The following ANKS1B variants were observed in gnomAD, a reference collection of about 807,000 sequenced individuals.
The protein encoded by ANKS1B is ankyrin repeat and sterile alpha motif domain-containing protein 1B.
Under a neutral mutation model 148.3 loss-of-function variants are expected in ANKS1B, and 36 were observed. That is an observed-to-expected ratio of 0.24 (90% confidence interval 0.19 to 0.32). The LOEUF is 0.32. Among genes scored for constraint, ANKS1B ranks in the 10% least tolerant of loss-of-function variants. The pLI is 1.00. For synonymous variants in ANKS1B, 542 were observed against 560.8 expected, an observed-to-expected ratio of 0.97 and a Z score of 0.47; for missense variants, 1,157 against 1,542.6, an observed-to-expected ratio of 0.75 and a Z score of 4.19.
In ANKS1B at chr12:98,970,254, T is replaced by C. The variant is rs932438786; in HGVS notation, c.2778+82903A>G. The stretch of plus-strand genomic sequence containing the variant: ...TGTTTCATTTGTTATATTTTCATGT[T>C]TTTTATCCTGGTCCTTATTTTCCTC... On this transcript the variant is annotated intron_variant, in intron 17 of 26. Coordinates refer to ENST00000683438, the MANE Select transcript of ANKS1B (RefSeq NM_001352186.2). Among the ~76,000 whole-genome samples, 29 of 152,352 alleles carry C rather than the reference T, an allele frequency of 1.9e-4. No individual in the cohort carries two copies. In the East Asian group the frequency reaches 5.2e-3, roughly 27 times the overall value.
intron 19 of ANKS1B, among the ~76,000 whole-genome samples, chr12:98,820,304 T>C (rs1459671032): frequency 6.6e-6 from 1 of 152,350 alleles, no homozygotes; most frequent in East Asian, 1.9e-4. Context: ...AAATGCTCCA[T>C]GCCTCAGTTT....
intron 17 of ANKS1B, among the ~76,000 whole-genome samples, chr12:99,041,600 A>G (rs1398289196): frequency 6.6e-6 from 1 of 152,018 alleles, no homozygotes; most frequent in African/African-American, 2.4e-5. Flanking sequence ...CCCATTGATC[A>G]TCTTAGATTT....
chr12:99,539,382 T>C (rs915518790), intron 9 of ANKS1B, among the ~76,000 whole-genome samples: 1 of 152,216 alleles, frequency 6.6e-6, no homozygotes, highest in Non-Finnish European at 1.5e-5. Flanking sequence ...GGGCAAAGTT[T>C]TTTTGTATAT....
At chr12:99,773,312 G>A (rs7484689) in intron 7 of ANKS1B, among the ~76,000 whole-genome samples, 26,324 of 151,972 alleles carry the variant, frequency 0.17, 2,810 homozygotes, top group East Asian at 0.49. Flanking sequence ...TTTCAAAATA[G>A]AAATAATTAT....
chr12:98,759,496 C>T (rs1026908313), intron 25 of ANKS1B, among the ~76,000 whole-genome samples: 9 of 152,176 alleles, frequency 5.9e-5, no homozygotes, highest in African/African-American at 1.7e-4. Flanking sequence ...GCATATTCAT[C>T]GGTCTAGTAT....
chr12:99,137,933 T>C (rs955810218), intron 15 of ANKS1B, among the ~76,000 whole-genome samples: 1 of 152,110 alleles, frequency 6.6e-6, no homozygotes, highest in African/African-American at 2.4e-5. Flanking sequence ...GTGAGCTTTG[T>C]GAGAGGAGGG....
At chr12:99,694,460 C>T (rs2053602284) in intron 8 of ANKS1B, among the ~76,000 whole-genome samples, 1 of 150,682 alleles carries the variant, frequency 6.6e-6, no homozygotes, top group Admixed American at 6.6e-5. Context: ...AAAGAATTGT[C>T]AGACTATGGA....
chr12:99,029,451 C>T (rs1211362735), intron 17 of ANKS1B, among the ~76,000 whole-genome samples: 1 of 152,176 alleles, frequency 6.6e-6, no homozygotes, highest in Admixed American at 6.5e-5. Flanking sequence ...GGAGGTTTAC[C>T]TGAGGTTACC....
chr12:98,747,201 G>T (rs2097913523), intron 26 of ANKS1B, among the ~76,000 whole-genome samples: 1 of 151,442 alleles, frequency 6.6e-6, no homozygotes, highest in African/African-American at 2.4e-5. Context: ...AATAAATAAG[G>T]GACTCAAATA....
chr12:98,746,998 T>C (rs921740883), intron 26 of ANKS1B, among the ~76,000 whole-genome samples: 1 of 151,938 alleles, frequency 6.6e-6, no homozygotes, highest in Non-Finnish European at 1.5e-5. Context: ...CTACAGGACA[T>C]TGGTCTGGAT....
At chr12:99,027,759 A>G (rs1401685634) in intron 17 of ANKS1B, among the ~76,000 whole-genome samples, 1 of 152,202 alleles carries the variant, frequency 6.6e-6, no homozygotes, top group Non-Finnish European at 1.5e-5. Flanking sequence ...CAATTTATTA[A>G]CTTCTCTGAA....
At chr12:99,846,207 T>C (rs2086647443) in intron 1 of ANKS1B, among the ~76,000 whole-genome samples, 1 of 152,134 alleles carries the variant, frequency 6.6e-6, no homozygotes, top group Non-Finnish European at 1.5e-5. Flanking sequence ...TTTAATTCAC[T>C]AACATTTGTT....
chr12:99,254,337 C>A (rs1286342248), intron 12 of ANKS1B, among the ~76,000 whole-genome samples: 15 of 152,182 alleles, frequency 9.9e-5, no homozygotes, highest in Non-Finnish European at 2.2e-4. Context: ...GAAGTCAAAA[C>A]AATTTTCAGA....
chr12:99,005,725 T>C (rs568719268), intron 17 of ANKS1B, among the ~76,000 whole-genome samples: 2 of 152,322 alleles, frequency 1.3e-5, no homozygotes, highest in East Asian at 3.9e-4. Context: ...TAGTTGCCCT[T>C]GGGCTTTCTC....
intron 15 of ANKS1B, among the ~76,000 whole-genome samples, chr12:99,114,034 T>C (rs1467835032): frequency 6.6e-6 from 1 of 152,224 alleles, no homozygotes; most frequent in Non-Finnish European, 1.5e-5. Flanking sequence ...AACAGCTTTG[T>C]AATACTTTTG....
At chr12:99,893,305 G>C (rs1431695313) in intron 1 of ANKS1B, among the ~76,000 whole-genome samples, 6 of 151,852 alleles carry the variant, frequency 4.0e-5, no homozygotes, top group Non-Finnish European at 8.8e-5. Context: ...CAGCCACTCA[G>C]GAGGCTGAGG....
At chr12:98,967,804 A>G (rs2099879814) in intron 17 of ANKS1B, among the ~76,000 whole-genome samples, 1 of 151,850 alleles carries the variant, frequency 6.6e-6, no homozygotes, top group Non-Finnish European at 1.5e-5. Context: ...CACCTAAATC[A>G]TACAGTCCTT....
At chr12:99,097,611 T>G (rs563626267) in intron 15 of ANKS1B, 1 of 152,228 alleles carries the variant, frequency 6.6e-6, no homozygotes, top group African/African-American at 2.4e-5. Flanking sequence ...TTCATAATCA[T>G]GTGACATTAT....
At chr12:99,086,789 A>G (rs1281749232) in intron 15 of ANKS1B, among the ~76,000 whole-genome samples, 1 of 152,206 alleles carries the variant, frequency 6.6e-6, no homozygotes, top group Non-Finnish European at 1.5e-5. Flanking sequence ...AATTCAGATC[A>G]CTATTTTTTT....
Sources: allele counts gnomAD v4.1 joint callset (sites outside exome capture counted in the v4.1 genomes callset), GRCh38; gene constraint gnomAD v4.1.1; transcripts MANE v1.5; gene names NCBI Gene and HGNC (gene_info 2026-07-23, HGNC 2026-07-21).